The following NEK4 variants were observed in gnomAD, a reference collection of about 807,000 sequenced individuals.
The protein encoded by NEK4 is serine/threonine-protein kinase Nek4.
A neutral mutation model predicts 98.4 loss-of-function variants in NEK4; 86 were observed. That is an observed-to-expected ratio of 0.87 (90% CI 0.73 to 1.05). The LOEUF (loss-of-function observed/expected upper bound fraction) is 1.05, where lower values mean the gene tolerates loss of function less well. NEK4 is among the 50% of genes least tolerant of loss of function. The pLI is 0.00. For synonymous variants in NEK4, 328 were observed against 342.2 expected (o/e 0.96, Z 0.46); for missense variants, 898 against 950.3 (o/e 0.94, Z 0.72).
At position 52,758,842 on chromosome 3, in the gene NEK4, C is replaced by G. The variant is rs7641127; in HGVS notation, c.963+1953G>C. On this transcript the variant is annotated intron_variant, in intron 6 of 15. Coordinates refer to ENST00000233027, the MANE Select transcript of NEK4 (RefSeq NM_003157.6). ...AGGGGCTGGGTGATGTGGCTCATAC[C>G]TGTAATATCAGCACTTTGGGAGGAA... 4.7e-3 allele frequency among the ~76,000 whole-genome samples: 708 copies of G among 152,088 alleles called. 3 individuals are homozygous for G. The highest frequency in any genetic ancestry group is 0.016 in the African/African-American group (666 of 41,490).
intron 15 of NEK4, among the ~76,000 whole-genome samples, chr3:52,716,786 T>A (rs1228975475): frequency 6.6e-6 from 1 of 152,204 alleles, no homozygotes; most frequent in East Asian, 1.9e-4. Context: ...GAAACATTTA[T>A]TTGAGAAAAT....
intron 15 of NEK4, among the ~76,000 whole-genome samples, chr3:52,721,576 A>AT (rs1342690769): frequency 4.6e-5 from 7 of 151,560 alleles, no homozygotes; most frequent in Middle Eastern, 3.4e-3. Context: ...AAAAAAAAAA[A>AT]TTTTTTTTAA....
chr3:52,720,874 C>T (rs1484925663), intron 15 of NEK4, among the ~76,000 whole-genome samples: 3 of 152,126 alleles, frequency 2.0e-5, no homozygotes, highest in African/African-American at 7.2e-5. Context: ...ACACATTTTG[C>T]CTCTCCTTAA....
chr3:52,721,562 T>C (rs1265788020), intron 15 of NEK4, among the ~76,000 whole-genome samples: 1 of 151,632 alleles, frequency 6.6e-6, no homozygotes, highest in Non-Finnish European at 1.5e-5. Context: ...ACTCTGTCTC[T>C]ACCAAAAAAA....
Position 52,766,137 on chromosome 3 carries a change from C to A in NEK4, c.558+41G>T, listed in dbSNP as rs757181857. On this transcript the variant is annotated intron_variant, in intron 3 of 15. Coordinates refer to ENST00000233027, the MANE Select transcript of NEK4 (RefSeq NM_003157.6). Reference sequence around the variant, plus strand: ...TAACTTCTGAAATTACAAGCACTCTCCCAGAGACAAGGTAAGCCAGCATAC... The same window carrying A: ...TAACTTCTGAAATTACAAGCACTCTACCAGAGACAAGGTAAGCCAGCATAC... The A allele has an allele frequency of 6.4e-6, 10 of 1,566,290 alleles. No homozygotes were observed. The East Asian group carries it at 2.2e-4, about 35-fold the overall frequency.
intron 14 of NEK4, among the ~76,000 whole-genome samples, chr3:52,738,158 G>A (rs1180159712): frequency 1.3e-5 from 2 of 151,528 alleles, no homozygotes; most frequent in African/African-American, 4.9e-5. Flanking sequence ...TCATAGGGAT[G>A]TAGTGCAGTG....
At chr3:52,740,114 C>G (rs1383239146) in intron 13 of NEK4, among the ~76,000 whole-genome samples, 1 of 152,158 alleles carries the variant, frequency 6.6e-6, no homozygotes, top group Non-Finnish European at 1.5e-5. Flanking sequence ...ACACAAAATA[C>G]CAGCTTCCAA....
chr3:52,766,054 C>A lies in NEK4; in HGVS notation c.559-60G>T. ...GAATAGCTTATTTACATTTTTTTCC[C>A]TTTAAAAAAAGAAAACATTTTCCTT... On this transcript the variant is annotated intron_variant, in intron 3 of 15. Coordinates refer to ENST00000233027, the MANE Select transcript of NEK4 (RefSeq NM_003157.6). The A allele has an allele frequency of 2.7e-6, 4 of 1,460,674 alleles. No homozygotes were observed. The East Asian group carries it at 9.1e-5, about 33-fold the overall frequency. 90.5% of individuals were successfully genotyped at this position (1,460,674 alleles called of 1,614,324 possible). A position where few individuals can be genotyped will look rare whatever the true frequency, so the allele number is the denominator to read the frequency against.
Position 52,711,599 on chromosome 3 carries a change from C to A in NEK4, c.*178G>T. 1 of 460,224 alleles carries A rather than the reference C, an allele frequency of 2.2e-6. No individual in the cohort carries two copies. The highest frequency in any genetic ancestry group is 3.9e-6 in the Non-Finnish European group (1 of 256,006). The allele number at this position is 460,224 out of a possible 1,614,324, so 28.5% of individuals were successfully genotyped here. Reference sequence around the variant, plus strand: ...CCAAAGTTTTTTTTCTTTTGTGATCCTGCTTCATATTATTCTGTTCTGTCC... The same window carrying A: ...CCAAAGTTTTTTTTCTTTTGTGATCATGCTTCATATTATTCTGTTCTGTCC... On this transcript the variant is annotated 3_prime_UTR_variant, in exon 16 of 16. Coordinates refer to ENST00000233027, the MANE Select transcript of NEK4 (RefSeq NM_003157.6).
At chr3:52,722,296 C>T (rs2097360822) in intron 15 of NEK4, among the ~76,000 whole-genome samples, 2 of 152,006 alleles carry the variant, frequency 1.3e-5, no homozygotes, top group South Asian at 2.1e-4. Context: ...GGGCAAGGTC[C>T]GAGAGCTCAG....
chr3:52,747,535 A>C (rs186195917), intron 8 of NEK4: 1 of 152,490 alleles, frequency 6.6e-6, no homozygotes, highest in East Asian at 1.9e-4. Flanking sequence ...ATAATGCAAC[A>C]GTTAAAAAAT....
intron 15 of NEK4, chr3:52,733,567 G>A (rs577893254): frequency 1.5e-4 from 76 of 508,238 alleles, no homozygotes; most frequent in Non-Finnish European, 2.5e-4. Context: ...TCAATTGCAC[G>A]GCATCAAATA....
chr3:52,737,425 AT>A, intron 15 of NEK4, 160 bp downstream of exon 15: 1 of 660,894 alleles, frequency 1.5e-6, no homozygotes, highest in Non-Finnish European at 2.5e-6. Flanking sequence ...AAATGTTCTA[AT>A]ATCGATTGTG....
chr3:52,748,489 CTCA>C (rs1391029854), intron 8 of NEK4, among the ~76,000 whole-genome samples: 3 of 152,058 alleles, frequency 2.0e-5, no homozygotes, highest in Non-Finnish European at 4.4e-5. Flanking sequence ...TAAAAATCTC[CTCA>C]TAACTTTTCA....
intron 15 of NEK4, among the ~76,000 whole-genome samples, chr3:52,715,503 C>G (rs1043877969): frequency 6.6e-6 from 1 of 152,260 alleles, no homozygotes; most frequent in African/African-American, 2.4e-5. Flanking sequence ...TCTCTTGCCT[C>G]AGCCTGCCCA....
chr3:52,753,961 G>A (rs1459343919), intron 6 of NEK4: 13 of 271,742 alleles, frequency 4.8e-5, no homozygotes, highest in South Asian at 4.2e-4. Context: ...TCAGGAGTTC[G>A]AGACCAGCCT....
chr3:52,722,139 GA>G (rs2097360662), intron 15 of NEK4, among the ~76,000 whole-genome samples: 1 of 152,168 alleles, frequency 6.6e-6, no homozygotes, highest in Non-Finnish European at 1.5e-5. Flanking sequence ...AAAAGCCCTG[GA>G]CTCAGCCATA....
chr3:52,765,091 C>G (rs1323359670), intron 4 of NEK4, among the ~76,000 whole-genome samples: 1 of 152,132 alleles, frequency 6.6e-6, no homozygotes, highest in Non-Finnish European at 1.5e-5. Context: ...TGGCTCACAC[C>G]TGTAATCCCA....
At chr3:52,766,847 G>A (rs1054451944) in intron 2 of NEK4, among the ~76,000 whole-genome samples, 2 of 152,142 alleles carry the variant, frequency 1.3e-5, no homozygotes, top group African/African-American at 4.8e-5. Flanking sequence ...TTAGCCGGGC[G>A]CAGTGGCGGG....
Sources: gnomAD v4.1 joint callset for allele counts (sites outside exome capture counted in the v4.1 genomes callset) on GRCh38, gnomAD v4.1.1 for gene constraint, MANE v1.5 for transcripts, NCBI Gene and HGNC (gene_info 2026-07-23, HGNC 2026-07-21) for gene names.